PCLO: variants seen among roughly 807,000 people sequenced by gnomAD.
PCLO encodes the protein piccolo presynaptic cytomatrix protein.
PCLO carries 82 observed loss-of-function variants against 427.5 expected under a neutral mutation model. That is an observed-to-expected ratio of 0.19 (90% CI 0.16 to 0.23). PCLO has a LOEUF of 0.23. Ranked by LOEUF, PCLO falls within the 10% of genes least tolerant of loss-of-function variation. The pLI is 1.00. For missense variants in PCLO, 6,239 were observed against 6,115.9 expected, an observed-to-expected ratio of 1.02 and a Z score of -0.67; for synonymous variants, 2,357 against 2,155.4, an observed-to-expected ratio of 1.09 and a Z score of -2.59.
At chr7:83,131,888 T>C (rs1187907486) in intron 3 of PCLO, among the ~76,000 whole-genome samples, 8 of 152,152 alleles carry the variant, frequency 5.3e-5, no homozygotes, top group African/African-American at 1.7e-4. Context: ...TTACACCTGT[T>C]AATAGTATTT....
intron 3 of PCLO, among the ~76,000 whole-genome samples, chr7:83,097,238 T>G (rs1790609869): frequency 7.4e-6 from 1 of 135,508 alleles, no homozygotes; most frequent in South Asian, 2.1e-4. Context: ...ATAAAAATAT[T>G]TCGGCCAGGC....
intron 6 of PCLO, among the ~76,000 whole-genome samples, chr7:82,937,630 G>C (rs1794987191): frequency 6.6e-6 from 1 of 151,334 alleles, no homozygotes; most frequent in Non-Finnish European, 1.5e-5. Context: ...TCAATGCTAG[G>C]TAAATATGAA....
intron 3 of PCLO, among the ~76,000 whole-genome samples, chr7:83,065,495 A>AT (rs1339288158): frequency 6.7e-6 from 1 of 149,102 alleles, no homozygotes; most frequent in Admixed American, 6.7e-5. Context: ...GCAGCTCAAA[A>AT]TGTAAAAAAA....
chr7:83,147,241 G>A (rs1034473273), intron 2 of PCLO, among the ~76,000 whole-genome samples: 1 of 151,938 alleles, frequency 6.6e-6, no homozygotes, highest in African/African-American at 2.4e-5. Flanking sequence ...TAAACAGAGT[G>A]TTTGTAAACG....
chr7:83,100,375 T>C (rs9656540), intron 3 of PCLO, among the ~76,000 whole-genome samples: 69,818 of 151,982 alleles, frequency 0.46, 16,457 homozygotes, highest in East Asian at 0.71. Context: ...ATTGCAGCAC[T>C]ATTCACAATA....
chr7:83,093,990 T>C (rs1362744668), intron 3 of PCLO, among the ~76,000 whole-genome samples: 2 of 151,886 alleles, frequency 1.3e-5, no homozygotes, highest in South Asian at 4.1e-4. Flanking sequence ...TATACTGTTT[T>C]AGTTAAGATA....
At chr7:83,117,303 G>C (rs190584291) in intron 3 of PCLO, among the ~76,000 whole-genome samples, 14 of 152,258 alleles carry the variant, frequency 9.2e-5, no homozygotes, top group African/African-American at 3.4e-4. Flanking sequence ...GTTGCCAAAC[G>C]GGCAGCTTCC....
Position 82,956,094 on chromosome 7 carries a change from T to A in PCLO, c.4859A>T (p.Asp1620Val). The A allele has an allele frequency of 3.7e-6, 6 of 1,611,274 alleles. No individual in the cohort carries two copies. The highest frequency in any genetic ancestry group is 5.1e-6 in the Non-Finnish European group (6 of 1,179,846). ...TGAGTGACGTCTTCCTGCATCTTCA[T>A]CAATGCTTGTGCTACTTTTTCGAGT... ...RLTRKSSTSI[D>V]EDAGRRHSWH... The change falls in exon 5 of 25, where the codon GAT becomes GTT. Residue 1620 changes from aspartate to valine, a missense_variant. Coordinates refer to ENST00000333891, the MANE Select transcript of PCLO (RefSeq NM_033026.6).
intron 10 of PCLO, among the ~76,000 whole-genome samples, chr7:82,875,379 A>C (rs914109297): frequency 6.6e-6 from 1 of 152,102 alleles, no homozygotes; most frequent in Non-Finnish European, 1.5e-5. Context: ...ATTCTCTAAA[A>C]CATAACATTC....
At chr7:82,977,255 T>G (rs1796037767) in intron 3 of PCLO, among the ~76,000 whole-genome samples, 1 of 151,976 alleles carries the variant, frequency 6.6e-6, no homozygotes, top group Admixed American at 6.6e-5. Flanking sequence ...GATATGGTTT[T>G]AATACTACAC....
At chr7:83,034,518 G>GA (rs1165282446) in intron 3 of PCLO, among the ~76,000 whole-genome samples, 1 of 151,976 alleles carries the variant, frequency 6.6e-6, no homozygotes, top group African/African-American at 2.4e-5. Context: ...TACTTTTGCG[G>GA]AAAAAAAGAG....
At chr7:82,829,690 G>A (rs2115699830) in intron 16 of PCLO, among the ~76,000 whole-genome samples, 1 of 152,140 alleles carries the variant, frequency 6.6e-6, no homozygotes, top group Admixed American at 6.6e-5. Context: ...TCAATATCTA[G>A]TGAAGTTTAA....
At chr7:82,760,181 C>T (rs1054150330) in intron 24 of PCLO, among the ~76,000 whole-genome samples, 2 of 151,982 alleles carry the variant, frequency 1.3e-5, no homozygotes, top group Non-Finnish European at 2.9e-5. Flanking sequence ...ACAATTAAAA[C>T]TCACTTTGGA....
intron 1 of PCLO, among the ~76,000 whole-genome samples, chr7:83,157,246 G>A (rs1792324759): frequency 6.6e-6 from 1 of 151,984 alleles, no homozygotes; most frequent in African/African-American, 2.4e-5. Flanking sequence ...ACATTCTTGA[G>A]GAACAACCCC....
intron 3 of PCLO, among the ~76,000 whole-genome samples, chr7:83,133,448 C>G (rs979796106): frequency 2.6e-5 from 4 of 152,016 alleles, no homozygotes; most frequent in African/African-American, 9.7e-5. Context: ...ATAGCCCTAA[C>G]ATGCTATTAA....
chr7:82,925,713 C>CTTTTTTTTTTTTTTTT (rs34017885), intron 6 of PCLO, among the ~76,000 whole-genome samples: 3 of 79,012 alleles, frequency 3.8e-5, no homozygotes, highest in African/African-American at 1.5e-4. Context: ...ATTTTTGTTG[C>CTTTTTTTTTTTTTTTT]TTTTTTTTTT....
chr7:82,909,526 A>G (rs1253563255), intron 7 of PCLO, among the ~76,000 whole-genome samples: 3 of 152,088 alleles, frequency 2.0e-5, no homozygotes, highest in Non-Finnish European at 4.4e-5. Context: ...CCCAGAACTT[A>G]AAGTATAATA....
intron 1 of PCLO, among the ~76,000 whole-genome samples, chr7:83,159,397 C>T (rs946267342): frequency 6.6e-6 from 1 of 151,860 alleles, no homozygotes; most frequent in African/African-American, 2.4e-5. Context: ...CAATAAAGCC[C>T]TTCTCATATG....
chr7:83,100,627 AGGAACAACACACAGG>A (rs1790713891), intron 3 of PCLO, among the ~76,000 whole-genome samples: 1 of 152,110 alleles, frequency 6.6e-6, no homozygotes, highest in African/African-American at 2.4e-5. Context: ...TCACATAGAG[AGGAACAACACACAGG>A]GGACCTTTTT....
Sources: allele counts gnomAD v4.1 joint callset (sites outside exome capture counted in the v4.1 genomes callset), GRCh38; gene constraint gnomAD v4.1.1; transcripts MANE v1.5; gene names NCBI Gene and HGNC (gene_info 2026-07-23, HGNC 2026-07-21).